Variants in FAM120A observed in about 807,000 individuals in gnomAD.
The protein encoded by FAM120A is constitutive coactivator of PPAR-gamma-like protein 1.
In FAM120A, 15 loss-of-function variants were observed where a neutral mutation model predicts 109.7. The ratio of observed to expected loss-of-function variants is 0.14; its 90% confidence interval spans 0.09 to 0.21. The LOEUF is 0.21. Ranked by LOEUF, FAM120A falls within the 10% of genes least tolerant of loss-of-function variation. The pLI is 1.00. For missense variants in FAM120A, 899 were observed against 1,439.3 expected, an observed-to-expected ratio of 0.62 and a Z score of 6.07; for synonymous variants, 493 against 572.8, an observed-to-expected ratio of 0.86 and a Z score of 1.99.
At chr9:93,503,839 GTA>G (rs879888520) in intron 5 of FAM120A, among the ~76,000 whole-genome samples, 7 of 150,412 alleles carry the variant, frequency 4.7e-5, no homozygotes, top group African/African-American at 7.3e-5. Flanking sequence ...AAAAAAAAAA[GTA>G]TATATATATA....
At chr9:93,534,631 C>CCTT (rs1861448433) in intron 10 of FAM120A, among the ~76,000 whole-genome samples, 1 of 152,150 alleles carries the variant, frequency 6.6e-6, no homozygotes, top group Non-Finnish European at 1.5e-5. Flanking sequence ...CTCCTCTTCT[C>CCTT]CTTCTTTTTA....
chr9:93,503,295 G>A (rs1859884075), intron 5 of FAM120A, among the ~76,000 whole-genome samples: 1 of 152,144 alleles, frequency 6.6e-6, no homozygotes. Flanking sequence ...GATATTTAAA[G>A]CAACTTTATT....
At chr9:93,457,882 A>G (rs16909158) in intron 1 of FAM120A, among the ~76,000 whole-genome samples, 11,570 of 151,956 alleles carry the variant, frequency 0.076, 566 homozygotes, top group Non-Finnish European at 0.1. Context: ...AACCTTTTTC[A>G]ATGATCAAAA....
intron 8 of FAM120A, among the ~76,000 whole-genome samples, chr9:93,527,917 CCT>C (rs1190103133): frequency 2.0e-5 from 3 of 152,072 alleles, no homozygotes; most frequent in African/African-American, 7.2e-5. Context: ...GCCACCACGC[CCT>C]GTCTCCCTGC....
chr9:93,477,943 C>T (rs1423948544), intron 3 of FAM120A, among the ~76,000 whole-genome samples: 1 of 152,158 alleles, frequency 6.6e-6, no homozygotes, highest in Non-Finnish European at 1.5e-5. Flanking sequence ...CGTATATCCC[C>T]CATCTTGGTT....
chr9:93,555,944 A>G (rs777580887), intron 12 of FAM120A, among the ~76,000 whole-genome samples: 5 of 152,224 alleles, frequency 3.3e-5, no homozygotes, highest in Non-Finnish European at 7.3e-5. Context: ...AAAATGCAGA[A>G]TCTTAATAGA....
chr9:93,486,346 T>G (rs945781850), intron 3 of FAM120A, among the ~76,000 whole-genome samples: 2 of 152,112 alleles, frequency 1.3e-5, no homozygotes, highest in African/African-American at 4.8e-5. Flanking sequence ...GCTCTCTTCA[T>G]CAGTTGGTAG....
In FAM120A at chr9:93,498,286, G is replaced by A. The variant is rs186936011; in HGVS notation, c.934-504G>A. Reference sequence around the variant, plus strand: ...TGGGCGCCTGTAATGCCAGCTACTCGGGATGCTGAGGCAGGAGAATCGCTT... The same window carrying A: ...TGGGCGCCTGTAATGCCAGCTACTCAGGATGCTGAGGCAGGAGAATCGCTT... On this transcript the variant is annotated intron_variant, in intron 4 of 17. Coordinates refer to ENST00000277165, the MANE Select transcript of FAM120A (RefSeq NM_014612.5). The surrounding 1 kb of genome is among the most constrained non-coding windows in gnomAD (Gnocchi z 4.4). Among the ~76,000 whole-genome samples, 41 of 152,310 alleles carry A rather than the reference G, an allele frequency of 2.7e-4. No individual in the cohort carries two copies. The East Asian group carries it at 4.0e-3, about 15-fold the overall frequency.
In FAM120A at chr9:93,561,220, A is replaced by C; in HGVS notation, c.2918A>C (p.Gln973Pro). The C allele has an allele frequency of 6.2e-7, 1 of 1,613,132 alleles. No individual in the cohort carries two copies. The highest frequency in any genetic ancestry group is 8.5e-7 in the Non-Finnish European group (1 of 1,179,732). Residue 973 changes from glutamine (Q) to proline (P), a missense_variant, in exon 16 of 18, where the codon CAG becomes CCG. By Grantham distance (76) the Gln-to-Pro change is moderately conservative. Around this residue, in one of 11 missense-constraint regions of FAM120A, gnomAD observed 170 missense variants for 205.0 expected, o/e 0.83. Transcript: ENST00000277165. Reference sequence around the variant, plus strand: ...GGGGGCCGGGGGCCTTTCCCCCTGCAGGTGGTTTCTGTCGGAGGACCAGCT... The same window carrying C: ...GGGGGCCGGGGGCCTTTCCCCCTGCCGGTGGTTTCTGTCGGAGGACCAGCT... ...GRGGRGPFPLQVVSVGGPARG... is the reference protein window; with the variant it reads ...GRGGRGPFPLPVVSVGGPARG...
At position 93,495,658 on chromosome 9, in the gene FAM120A, C is replaced by T. The variant is rs538541301; in HGVS notation, c.805-1813C>T. On this transcript the variant is annotated intron_variant, in intron 3 of 17. Coordinates refer to ENST00000277165, the MANE Select transcript of FAM120A (RefSeq NM_014612.5). Reference sequence around the variant, plus strand: ...CAAAAATACTTTCAAATGCTATGATCGCTTGAGTCTACAGCGAGTTGGAAT... The same window carrying T: ...CAAAAATACTTTCAAATGCTATGATTGCTTGAGTCTACAGCGAGTTGGAAT... Among the ~76,000 whole-genome samples the T allele has an allele frequency of 7.2e-5, 11 of 152,268 alleles. No homozygotes were observed. The South Asian group carries it at 1.0e-3, about 14-fold the overall frequency.
chr9:93,563,507 C>T (rs2131579613), intron 17 of FAM120A, among the ~76,000 whole-genome samples: 1 of 152,294 alleles, frequency 6.6e-6, no homozygotes, highest in Non-Finnish European at 1.5e-5. Flanking sequence ...CTGCTAAACA[C>T]CCTACGGTGT....
At position 93,564,444 on chromosome 9, in the gene FAM120A, G is replaced by A. The variant is rs371095680; in HGVS notation, c.3261G>A (p.Thr1087=). ...SESALNNDSK[T]CNTNPHLNAL... ...GTGCCTTGAATAATGACTCTAAAAC[G>A]TGCAATACAAATCCTCATTTAAATG... Residue 1087 remains threonine (T), a synonymous_variant, in exon 18 of 18, where the codon ACG becomes ACA. Transcript: ENST00000277165. 23 of 1,614,234 alleles carry A rather than the reference G, an allele frequency of 1.4e-5. No individual in the cohort carries two copies. Among genetic ancestry groups the A allele is most frequent in the East Asian group, 8.9e-5 (4 of 44,892 alleles).
chr9:93,562,033 T>C (rs565292362), intron 16 of FAM120A, among the ~76,000 whole-genome samples, 175 bp from the exon 17 acceptor site: 1 of 152,358 alleles, frequency 6.6e-6, no homozygotes, highest in South Asian at 2.1e-4. Context: ...CTTTATGTCC[T>C]ACTGCTCAAG....
chr9:93,512,953 A>G (rs1860398893), intron 5 of FAM120A, among the ~76,000 whole-genome samples: 1 of 152,158 alleles, frequency 6.6e-6, no homozygotes, highest in African/African-American at 2.4e-5. Flanking sequence ...GTTTGCTTTA[A>G]AGGAAAGTTT....
At chr9:93,540,699 A>G (rs886627294) in intron 10 of FAM120A, among the ~76,000 whole-genome samples, 1 of 152,158 alleles carries the variant, frequency 6.6e-6, no homozygotes, top group African/African-American at 2.4e-5. Flanking sequence ...GAGTTGTCGG[A>G]GCCTGCAGCT....
intron 3 of FAM120A, among the ~76,000 whole-genome samples, chr9:93,476,673 G>T (rs866203264): frequency 6.6e-6 from 1 of 152,088 alleles, no homozygotes; most frequent in Admixed American, 6.5e-5. Context: ...TCTTTAGGTA[G>T]TATAGTTACT....
chr9:93,508,649 C>T (rs1444929309), intron 5 of FAM120A, among the ~76,000 whole-genome samples: 5 of 152,180 alleles, frequency 3.3e-5, no homozygotes, highest in African/African-American at 9.7e-5. Context: ...GTGTTCTGGG[C>T]TCTGGCCATG....
chr9:93,495,232 C>T (rs1380916093), intron 3 of FAM120A, among the ~76,000 whole-genome samples: 1 of 152,148 alleles, frequency 6.6e-6, no homozygotes, highest in Non-Finnish European at 1.5e-5. Context: ...CAAGGGCTGC[C>T]ATATTAGATG....
rs1416339971 is a variant in FAM120A, at chr9:93,471,403, T to C, written c.721+16T>C. The C allele has an allele frequency of 6.2e-7, 1 of 1,613,564 alleles. No homozygotes were observed. The highest frequency in any genetic ancestry group is 8.5e-7 in the Non-Finnish European group (1 of 1,179,694). ...GCTCTCTTAGGTAGGTGGAGCAGTG[T>C]GAAAATATTTTATAAGGGAGTGACC... On this transcript the variant is annotated intron_variant, in intron 2 of 17. Coordinates refer to ENST00000277165, the MANE Select transcript of FAM120A (RefSeq NM_014612.5).
Sources: allele counts gnomAD v4.1 joint callset (sites outside exome capture counted in the v4.1 genomes callset), GRCh38; gene constraint gnomAD v4.1.1; regional missense constraint gnomAD v4.1.1; non-coding constraint Gnocchi (gnomAD v3.1); transcripts MANE v1.5; gene names NCBI Gene and HGNC (gene_info 2026-07-23, HGNC 2026-07-21).